PPP3CB: variants seen among roughly 807,000 people sequenced by gnomAD.
The protein encoded by PPP3CB is protein phosphatase 3 catalytic subunit beta, also known as serine/threonine-protein phosphatase 2B catalytic subunit beta isoform.
In PPP3CB, 8 loss-of-function variants were observed where a neutral mutation model predicts 66.4. The observed-to-expected ratio is 0.12, with a 90% CI of 0.07 to 0.22. The LOEUF is 0.22. PPP3CB is among the 10% of genes least tolerant of loss of function. The probability of loss-of-function intolerance (pLI) is 1.00; values close to 1 mark genes in which losing one functional copy is unlikely to be tolerated. For missense variants in PPP3CB, 319 were observed against 642.5 expected, an observed-to-expected ratio of 0.50 and a Z score of 5.44; for synonymous variants, 208 against 221.2, an observed-to-expected ratio of 0.94 and a Z score of 0.53.
At chr10:73,461,021 G>A (rs534211498) in intron 9 of PPP3CB, among the ~76,000 whole-genome samples, 3 of 152,374 alleles carry the variant, frequency 2.0e-5, no homozygotes, top group South Asian at 2.1e-4. Flanking sequence ...AGAAAGGGCT[G>A]CTGCCCTCCA....
intron 8 of PPP3CB, 30 bp from the exon 9 acceptor site, chr10:73,467,708 A>C (rs1317413047): frequency 2.7e-6 from 4 of 1,492,952 alleles, no homozygotes; most frequent in Admixed American, 4.4e-5. Context: ...TCAATAACTT[A>C]ATAGATAAGT....
intron 12 of PPP3CB, among the ~76,000 whole-genome samples, chr10:73,440,924 G>A (rs574373139): frequency 2.3e-4 from 35 of 152,156 alleles, no homozygotes; most frequent in Middle Eastern, 3.4e-3. Context: ...TCATTTCTGG[G>A]TTTGAACTGT....
Position 73,440,854 on chromosome 10 carries a change from A to T in PPP3CB, c.1367-953T>A, listed in dbSNP as rs1049518954. Among the ~76,000 whole-genome samples, 3 of 152,340 alleles carry T rather than the reference A, an allele frequency of 2.0e-5. No individual in the cohort carries two copies. The South Asian group carries it at 6.2e-4, about 32-fold the overall frequency. ...TATTGGTATAGTGTGTCACTGGTCC[A>T]TTTAGAGAATTTCACCATAATTAGT... is the stretch of plus-strand genomic sequence containing the variant. On this transcript the variant is annotated intron_variant, in intron 12 of 13. Coordinates refer to ENST00000360663, the MANE Select transcript of PPP3CB (RefSeq NM_021132.4).
chr10:73,494,861 C>T lies in PPP3CB; in HGVS notation c.85+944G>A, dbSNP rs185079144. Among the ~76,000 whole-genome samples the T allele has an allele frequency of 3.9e-5, 6 of 152,240 alleles. No homozygotes were observed. The East Asian group carries it at 9.6e-4, about 24-fold the overall frequency. On this transcript the variant is annotated intron_variant, in intron 1 of 13. Coordinates refer to ENST00000360663, the MANE Select transcript of PPP3CB (RefSeq NM_021132.4). ...CGATTTCAATTTATCAATCAAGCTA[C>T]ATGGTAAAGAGAATCATTTCAATTG...
At chr10:73,456,212 A>G (rs2132841055) in intron 9 of PPP3CB, among the ~76,000 whole-genome samples, 1 of 152,340 alleles carries the variant, frequency 6.6e-6, no homozygotes, top group Admixed American at 6.5e-5. Context: ...CAAGTACTAC[A>G]TTAAAGCTCT....
At chr10:73,470,507 A>G (rs187554564) in intron 8 of PPP3CB, among the ~76,000 whole-genome samples, 180 bp downstream of exon 8, 2 of 152,288 alleles carry the variant, frequency 1.3e-5, no homozygotes, top group Admixed American at 6.5e-5. Flanking sequence ...ATGGGGTTAC[A>G]TATTACTTAG....
chr10:73,451,797 G>A (rs181383106), intron 10 of PPP3CB, among the ~76,000 whole-genome samples: 2 of 148,230 alleles, frequency 1.3e-5, no homozygotes, highest in East Asian at 4.0e-4. Flanking sequence ...CCAGGCTGGA[G>A]TGCAGTGGTG....
chr10:73,472,236 T>G (rs1054847785), intron 4 of PPP3CB, among the ~76,000 whole-genome samples: 9 of 152,344 alleles, frequency 5.9e-5, no homozygotes, highest in African/African-American at 2.2e-4. Flanking sequence ...GGCTCACGCC[T>G]GTAATCCCAG....
intron 10 of PPP3CB, among the ~76,000 whole-genome samples, chr10:73,448,060 ATT>A (rs2056287124): frequency 1.3e-5 from 2 of 152,304 alleles, no homozygotes; most frequent in South Asian, 4.1e-4. Context: ...GGTAAGTCTG[ATT>A]CTCTTCTAAT....
In PPP3CB at chr10:73,495,910, A is replaced by G; in HGVS notation, c.-21T>C. 5.3e-6 allele frequency: 2 copies of G among 374,272 alleles called. No individual in the cohort carries two copies. The highest frequency in any genetic ancestry group is 8.9e-5 in the East Asian group (1 of 11,212). The allele number at this position is 374,272 out of a possible 1,614,324, so 23.2% of individuals were successfully genotyped here. A position where few individuals can be genotyped will look rare whatever the true frequency, so the allele number is the denominator to read the frequency against. ...GCCATGCTGGGCCCGGGGCTCGGCT[A>G]GGCTCTGGGCCGGGCGGGGTTGGGG... On this transcript the variant is annotated 5_prime_UTR_variant, in exon 1 of 14. Transcript: ENST00000360663.
chr10:73,481,831 A>G (rs1374732269), intron 1 of PPP3CB, among the ~76,000 whole-genome samples: 1 of 151,996 alleles, frequency 6.6e-6, no homozygotes, highest in Non-Finnish European at 1.5e-5. Context: ...TATCTAGTAA[A>G]ATAAAACTGG....
At chr10:73,477,126 A>C (rs1399076404) in intron 3 of PPP3CB, 5 of 515,584 alleles carry the variant, frequency 9.7e-6, no homozygotes, top group Admixed American at 2.0e-5. Flanking sequence ...CAGGTTCCTC[A>C]TCTATAAAAT....
chr10:73,460,190 T>A (rs962222860), intron 9 of PPP3CB, among the ~76,000 whole-genome samples: 1 of 144,486 alleles, frequency 6.9e-6, no homozygotes, highest in Non-Finnish European at 1.5e-5. Flanking sequence ...ATTTAACGGA[T>A]ATTAAATCGT....
At position 73,438,164 on chromosome 10, in the gene PPP3CB, C is replaced by A; in HGVS notation, c.*78G>T. 2 of 1,394,214 alleles carry A rather than the reference C, an allele frequency of 1.4e-6. No homozygotes were observed. Among genetic ancestry groups the A allele is most frequent in the Admixed American group, 2.2e-5 (1 of 45,960 alleles). The allele number at this position is 1,394,214 out of a possible 1,614,324, so 86.4% of individuals were successfully genotyped here. On this transcript the variant is annotated 3_prime_UTR_variant, in exon 14 of 14. Coordinates refer to ENST00000360663, the MANE Select transcript of PPP3CB (RefSeq NM_021132.4). ...GAGAGACTGTGAAATTTACAGTCAG[C>A]TTGGCCGACCCCTCCAGCTCCTCGG...
Position 73,436,795 on chromosome 10 carries a change from AAC to A in PPP3CB, c.*1445_*1446del, listed in dbSNP as rs1214980771. ...AGATTGCATCTTCCAAATAAAACCCAACACAGAGATAGGAGCAGCGGCCCATG... is the reference window on the plus strand; with the variant it reads ...AGATTGCATCTTCCAAATAAAACCCAACAGAGATAGGAGCAGCGGCCCATG... On this transcript the variant is annotated 3_prime_UTR_variant, in exon 14 of 14. Transcript: ENST00000360663. 2.0e-5 allele frequency: 3 copies of A among 152,250 alleles called. No homozygotes were observed. Among genetic ancestry groups the A allele is most frequent in the Non-Finnish European group, 4.4e-5 (3 of 68,046 alleles). The allele number at this position is 152,250 out of a possible 1,614,324, so 9.4% of individuals were successfully genotyped here. A position where few individuals can be genotyped will look rare whatever the true frequency, so the allele number is the denominator to read the frequency against.
At chr10:73,460,265 C>CAAAAAAAAAAAAAAAAAAAAAAAA (rs11447229) in intron 9 of PPP3CB, among the ~76,000 whole-genome samples, 1 of 35,828 alleles carries the variant, frequency 2.8e-5, no homozygotes, top group Non-Finnish European at 5.9e-5. Context: ...AAAGTAATAG[C>CAAAAAAAAAAAAAAAAAAAAAAAA]AAAAAAAAAA....
chr10:73,443,205 ATG>A (rs1234112127), intron 12 of PPP3CB, among the ~76,000 whole-genome samples: 2 of 138,082 alleles, frequency 1.4e-5, no homozygotes, highest in African/African-American at 6.7e-5. Flanking sequence ...ACACACACAC[ATG>A]TACACATGCA....
At chr10:73,488,973 G>A (rs2057030959) in intron 1 of PPP3CB, among the ~76,000 whole-genome samples, 1 of 152,080 alleles carries the variant, frequency 6.6e-6, no homozygotes, top group Non-Finnish European at 1.5e-5. Context: ...TCAAAAACTT[G>A]GGGTAGTTTC....
At position 73,479,355 on chromosome 10, in the gene PPP3CB, C is replaced by T; in HGVS notation, c.248G>A (p.Arg83Lys). Residue 83 changes from arginine to lysine, a missense_variant, in exon 2 of 14, where the codon AGA becomes AAA. Physicochemically the swap from Arg to Lys is conservative, Grantham distance 26 (BLOSUM62 2). This residue lies in a region of PPP3CB where 104 missense variants were observed against 128.4 expected (regional missense o/e 0.81). Transcript: ENST00000360663. ...IINEGAAILR[R>K]EKTMIEVEAP... Reference sequence around the variant, plus strand: ...TTCTACTTCTATCATGGTTTTCTCTCTCCGAAGGATGGCAGCACCCTCATT... The same window carrying T: ...TTCTACTTCTATCATGGTTTTCTCTTTCCGAAGGATGGCAGCACCCTCATT... The T allele has an allele frequency of 6.2e-7, 1 of 1,614,108 alleles. No individual in the cohort carries two copies. The highest frequency in any genetic ancestry group is 1.3e-5 in the African/African-American group (1 of 75,038).
Sources: allele counts gnomAD v4.1 joint callset (sites outside exome capture counted in the v4.1 genomes callset), GRCh38; gene constraint gnomAD v4.1.1; regional missense constraint gnomAD v4.1.1; transcripts MANE v1.5; gene names NCBI Gene and HGNC (gene_info 2026-07-23, HGNC 2026-07-21).